Variants in DERA observed in about 807,000 individuals in gnomAD.
DERA encodes the protein deoxyribose-phosphate aldolase, also known as 2-deoxy-D-ribose 5-phosphate aldolase.
DERA carries 15 observed loss-of-function variants against 41.1 expected under a neutral mutation model. The observed-to-expected ratio is 0.37, with a 90% CI of 0.24 to 0.56. DERA has a LOEUF of 0.56. Among genes scored for constraint, DERA ranks in the 20% least tolerant of loss-of-function variants. The probability of loss-of-function intolerance (pLI) is 0.81; values close to 1 mark genes in which losing one functional copy is unlikely to be tolerated. For missense variants in DERA, 396 were observed against 403.4 expected (o/e 0.98, Z 0.16); for synonymous variants, 139 against 137.4 (o/e 1.01, Z -0.08).
In DERA at chr12:16,004,702, G is replaced by C. The variant is rs1307079231; in HGVS notation, c.637+22266G>C. On this transcript the variant is annotated intron_variant, in intron 6 of 8. Coordinates refer to ENST00000428559, the MANE Select transcript of DERA (RefSeq NM_015954.4). The surrounding 1 kb of genome is among the most constrained non-coding windows in gnomAD (Gnocchi z 4.2). ...ACAACAAATGACTTAGTGGGGCTTT[G>C]GTTCTTTGTTACATTCTTTTTTCAA... 6.6e-6 allele frequency among the ~76,000 whole-genome samples: 1 copy of C among 151,924 alleles called. No individual in the cohort carries two copies. The highest frequency in any genetic ancestry group is 1.5e-5 in the Non-Finnish European group (1 of 67,974).
chr12:16,005,270 CCTGT>C (rs1328619384), intron 6 of DERA, among the ~76,000 whole-genome samples: 1 of 151,894 alleles, frequency 6.6e-6, no homozygotes, highest in Non-Finnish European at 1.5e-5. Flanking sequence ...GTAGGAAGAC[CCTGT>C]CTCTACAAAA....
At chr12:15,961,792 G>A (rs758335290) in intron 4 of DERA, among the ~76,000 whole-genome samples, 1 of 152,154 alleles carries the variant, frequency 6.6e-6, no homozygotes, top group Non-Finnish European at 1.5e-5. Context: ...CACCCAGGCT[G>A]GAGTGCAGTG....
chr12:16,031,856 A>T (rs960147654), intron 6 of DERA, among the ~76,000 whole-genome samples: 2 of 152,144 alleles, frequency 1.3e-5, no homozygotes, highest in Non-Finnish European at 2.9e-5. Flanking sequence ...AATACTTGTA[A>T]AGCATCTAGA....
Position 16,036,525 on chromosome 12 carries a change from C to G in DERA, c.900+144C>G. Reference sequence around the variant, plus strand: ...CCTCTACCTTTTCTTCCAAGCAAACCGCCATCAGAAGTGAGTAGGGTGGAG... The same window carrying G: ...CCTCTACCTTTTCTTCCAAGCAAACGGCCATCAGAAGTGAGTAGGGTGGAG... On this transcript the variant is annotated intron_variant, in intron 8 of 8. Transcript: ENST00000428559. This position sits in a 1 kb window ranked among gnomAD's most constrained non-coding sequence, Gnocchi z 4.9. The G allele has an allele frequency of 8.8e-7, 1 of 1,139,008 alleles. No individual in the cohort carries two copies. The highest frequency in any genetic ancestry group is 1.7e-5 in the South Asian group (1 of 60,394). The allele number at this position is 1,139,008 out of a possible 1,614,324, so 70.6% of individuals were successfully genotyped here. A position where few individuals can be genotyped will look rare whatever the true frequency, so the allele number is the denominator to read the frequency against.
rs1408629740 is a variant in DERA, at chr12:16,021,474, T to C, written c.638-11068T>C. 6.6e-6 allele frequency among the ~76,000 whole-genome samples: 1 copy of C among 152,204 alleles called. No individual in the cohort carries two copies. Among genetic ancestry groups the C allele is most frequent in the Non-Finnish European group, 1.5e-5 (1 of 68,028 alleles). ...AGACTGGGTACCCAGGCAGGGATTC[T>C]CTACTAAGGCAGTGCTGAAGGGAAA... is the stretch of plus-strand genomic sequence containing the variant. On this transcript the variant is annotated intron_variant, in intron 6 of 8. Coordinates refer to ENST00000428559, the MANE Select transcript of DERA (RefSeq NM_015954.4). This position sits in a 1 kb window ranked among gnomAD's most constrained non-coding sequence, Gnocchi z 5.3.
chr12:15,933,399 G>A (rs1948343705), intron 1 of DERA, among the ~76,000 whole-genome samples: 1 of 151,936 alleles, frequency 6.6e-6, no homozygotes, highest in South Asian at 2.1e-4. Context: ...CTCTGATTTT[G>A]TTATTTTTCC....
At chr12:15,946,090 G>T (rs1180899606) in intron 1 of DERA, among the ~76,000 whole-genome samples, 3 of 152,144 alleles carry the variant, frequency 2.0e-5, no homozygotes, top group Non-Finnish European at 4.4e-5. Context: ...ACTTGATCAT[G>T]GTGGATAAGC....
At position 15,911,474 on chromosome 12, in the gene DERA, G is replaced by C. The variant is rs559549045; in HGVS notation, c.31+60G>C. 84 of 1,392,330 alleles carry C rather than the reference G, an allele frequency of 6.0e-5. No individual in the cohort carries two copies. In the Admixed American group the frequency reaches 6.5e-4, roughly 11 times the overall value. The allele number at this position is 1,392,330 out of a possible 1,614,324, so 86.2% of individuals were successfully genotyped here. A position where few individuals can be genotyped will look rare whatever the true frequency, so the allele number is the denominator to read the frequency against. On this transcript the variant is annotated intron_variant, in intron 1 of 8. Transcript: ENST00000428559. This position sits in a 1 kb window ranked among gnomAD's most constrained non-coding sequence, Gnocchi z 4.5. Reference sequence around the variant, plus strand: ...CTCGCGTTCAGCGCCGCCGGGACTAGCGCGGGGCCTGCTGCCGCCCAGTGC... The same window carrying C: ...CTCGCGTTCAGCGCCGCCGGGACTACCGCGGGGCCTGCTGCCGCCCAGTGC...
chr12:16,036,446 T>G lies in DERA; in HGVS notation c.900+65T>G. The G allele has an allele frequency of 6.6e-7, 1 of 1,515,328 alleles. No individual in the cohort carries two copies. Among genetic ancestry groups the G allele is most frequent in the Non-Finnish European group, 8.9e-7 (1 of 1,125,512 alleles). The allele number at this position is 1,515,328 out of a possible 1,614,324, so 93.9% of individuals were successfully genotyped here. A position where few individuals can be genotyped will look rare whatever the true frequency, so the allele number is the denominator to read the frequency against. ...GTTTTTTGAGAAAGGAATTGAAAAG[T>G]CAAATTGAGAACTGGAGATAAAAAC... On this transcript the variant is annotated intron_variant, in intron 8 of 8. Transcript: ENST00000428559. The surrounding 1 kb of genome is among the most constrained non-coding windows in gnomAD (Gnocchi z 4.9).
In DERA at chr12:15,922,829, C is replaced by G. The variant is rs1170729471; in HGVS notation, c.31+11415C>G. On this transcript the variant is annotated intron_variant, in intron 1 of 8. Coordinates refer to ENST00000428559, the MANE Select transcript of DERA (RefSeq NM_015954.4). This position sits in a 1 kb window ranked among gnomAD's most constrained non-coding sequence, Gnocchi z 4.9. ...GTACATTGGCTTGTACTTTCCAAGT[C>G]TGTAAAACAGACACACGAGAATGTA... Among the ~76,000 whole-genome samples the G allele has an allele frequency of 1.3e-5, 2 of 151,984 alleles. No individual in the cohort carries two copies. The highest frequency in any genetic ancestry group is 2.4e-5 in the African/African-American group (1 of 41,362).
Position 15,994,433 on chromosome 12 carries a change from G to A in DERA, c.637+11997G>A, listed in dbSNP as rs186951850. Among the ~76,000 whole-genome samples the A allele has an allele frequency of 2.0e-5, 3 of 152,236 alleles. No individual in the cohort carries two copies. Among genetic ancestry groups the A allele is most frequent in the East Asian group, 3.9e-4 (2 of 5,172 alleles). On this transcript the variant is annotated intron_variant, in intron 6 of 8. Coordinates refer to ENST00000428559, the MANE Select transcript of DERA (RefSeq NM_015954.4). This position sits in a 1 kb window ranked among gnomAD's most constrained non-coding sequence, Gnocchi z 4.8. Reference sequence around the variant, plus strand: ...TGGTTATTTATTCCTTAATATCTGTGCCACGTGGTTACTGATCTATTAGAA... The same window carrying A: ...TGGTTATTTATTCCTTAATATCTGTACCACGTGGTTACTGATCTATTAGAA...
Position 15,958,313 on chromosome 12 carries a change from A to G in DERA, c.255A>G (p.Lys85=). The part of the protein sequence containing the change: ...AKYPIREDLL[K]ALNMHDKGIT... ...ACCCAATCCGGGAAGATCTCTTAAAAGCTTTAAATATGCATGATAAAGGTA... is the reference window on the plus strand; with the variant it reads ...ACCCAATCCGGGAAGATCTCTTAAAGGCTTTAAATATGCATGATAAAGGTA... The change falls in exon 3 of 9, where the codon AAA becomes AAG. Residue 85 remains lysine (K), a synonymous_variant. Coordinates refer to ENST00000428559, the MANE Select transcript of DERA (RefSeq NM_015954.4). The G allele has an allele frequency of 6.2e-7, 1 of 1,604,086 alleles. No individual in the cohort carries two copies. Among genetic ancestry groups the G allele is most frequent in the South Asian group, 1.1e-5 (1 of 88,574 alleles).
rs189596127 is a variant in DERA at position 16,004,036 on chromosome 12, G to A, written c.637+21600G>A. Among the ~76,000 whole-genome samples the A allele has an allele frequency of 1.3e-5, 2 of 152,106 alleles. No individual in the cohort carries two copies. Among genetic ancestry groups the A allele is most frequent in the African/African-American group, 4.8e-5 (2 of 41,412 alleles). On this transcript the variant is annotated intron_variant, in intron 6 of 8. Transcript: ENST00000428559. The surrounding 1 kb of genome is among the most constrained non-coding windows in gnomAD (Gnocchi z 4.2). Reference sequence around the variant, plus strand: ...GTAAGAGTAAAACATGCTTTTCTGGGCTGGCTGGGACTTACTACCACATGA... The same window carrying A: ...GTAAGAGTAAAACATGCTTTTCTGGACTGGCTGGGACTTACTACCACATGA...
rs12817566 is a variant in DERA, at chr12:16,029,723, A to T, written c.638-2819A>T. Among the ~76,000 whole-genome samples the T allele has an allele frequency of 1.3e-5, 2 of 151,956 alleles. 1 individual carries two copies. Among genetic ancestry groups the T allele is most frequent in the South Asian group, 4.2e-4 (2 of 4,812 alleles). On this transcript the variant is annotated intron_variant, in intron 6 of 8. Coordinates refer to ENST00000428559, the MANE Select transcript of DERA (RefSeq NM_015954.4). ...GGGCATAGACATGCAAATAATGTGT[A>T]GGCCACTGTAGCTACTGCTGGGCTA...
rs1327423493 is a variant in DERA, at chr12:15,983,163, A to G, written c.637+727A>G. ...GTCTTCCTGACTTTTGTTCCCCTCC[A>G]ATCTGTTCTCCACACTGTCACCACA... On this transcript the variant is annotated intron_variant, in intron 6 of 8. Coordinates refer to ENST00000428559, the MANE Select transcript of DERA (RefSeq NM_015954.4). The surrounding 1 kb of genome is among the most constrained non-coding windows in gnomAD (Gnocchi z 6.2). Among the ~76,000 whole-genome samples the G allele has an allele frequency of 6.6e-6, 1 of 151,614 alleles. No homozygotes were observed. The highest frequency in any genetic ancestry group is 1.9e-4 in the East Asian group (1 of 5,160).
chr12:15,959,404 A>G lies in DERA; in HGVS notation c.278-425A>G, dbSNP rs1174089195. On this transcript the variant is annotated intron_variant, in intron 3 of 8. Coordinates refer to ENST00000428559, the MANE Select transcript of DERA (RefSeq NM_015954.4). This position sits in a 1 kb window ranked among gnomAD's most constrained non-coding sequence, Gnocchi z 4.5. ...ATTAGTTAAATGTCATTTTTGTGGT[A>G]CCACCCTCTAAATTGTACTTATATT... 1.3e-5 allele frequency among the ~76,000 whole-genome samples: 2 copies of G among 152,134 alleles called. No individual in the cohort carries two copies. Among genetic ancestry groups the G allele is most frequent in the Admixed American group, 6.5e-5 (1 of 15,274 alleles).
At chr12:15,948,926 C>T (rs1488473461) in intron 1 of DERA, among the ~76,000 whole-genome samples, 1 of 152,150 alleles carries the variant, frequency 6.6e-6, no homozygotes. Flanking sequence ...CAGTCAGGAC[C>T]CTCAGCTGCA....
intron 5 of DERA, among the ~76,000 whole-genome samples, chr12:15,974,428 T>C (rs1389010984): frequency 6.6e-6 from 1 of 152,206 alleles, no homozygotes; most frequent in Non-Finnish European, 1.5e-5. Flanking sequence ...TTTTGTAAAA[T>C]ATACCTCAGT....
At position 15,954,428 on chromosome 12, in the gene DERA, T is replaced by C. The variant is rs1291234534; in HGVS notation, c.32-2508T>C. Among the ~76,000 whole-genome samples, 1 of 152,174 alleles carries C rather than the reference T, an allele frequency of 6.6e-6. No individual in the cohort carries two copies. Among genetic ancestry groups the C allele is most frequent in the Admixed American group, 6.5e-5 (1 of 15,284 alleles). Reference sequence around the variant, plus strand: ...ATGGAAGCACGAAGAAGCAAAGGGATGTCTCAACCTGTGAGGTTCAGGGAA... The same window carrying C: ...ATGGAAGCACGAAGAAGCAAAGGGACGTCTCAACCTGTGAGGTTCAGGGAA... On this transcript the variant is annotated intron_variant, in intron 1 of 8. Transcript: ENST00000428559. The surrounding 1 kb of genome is among the most constrained non-coding windows in gnomAD (Gnocchi z 4.0).
Sources: allele counts gnomAD v4.1 joint callset (sites outside exome capture counted in the v4.1 genomes callset), GRCh38; gene constraint gnomAD v4.1.1; non-coding constraint Gnocchi (gnomAD v3.1); transcripts MANE v1.5; gene names NCBI Gene and HGNC (gene_info 2026-07-23, HGNC 2026-07-21).